The following NCKAP1 variants were observed in gnomAD, a reference collection of about 807,000 sequenced individuals.
NCKAP1 encodes the protein nck-associated protein 1.
Under a neutral mutation model 151.2 loss-of-function variants are expected in NCKAP1, and 21 were observed. That is an observed-to-expected ratio of 0.14 (90% CI 0.10 to 0.20). The LOEUF (loss-of-function observed/expected upper bound fraction) is 0.20. NCKAP1 is among the 10% of genes least tolerant of loss of function. NCKAP1 has a pLI of 1.00. For missense variants in NCKAP1, 933 were observed against 1,352.1 expected (o/e 0.69, Z 4.86); for synonymous variants, 484 against 451.8 (o/e 1.07, Z -0.90).
rs1696491162 is a variant in NCKAP1, at chr2:182,917,788, C to T, written c.*7914G>A. On this transcript the variant is annotated 3_prime_UTR_variant, in exon 31 of 31. Coordinates refer to ENST00000361354, the MANE Select transcript of NCKAP1 (RefSeq NM_013436.5). ...TTAAAACTAAAACAAATATTTTTAA[C>T]ATTCACAAATATGTGACATATTATC... 6.6e-6 allele frequency: 1 copy of T among 152,262 alleles called. No individual in the cohort carries two copies. The highest frequency in any genetic ancestry group is 2.1e-4 in the South Asian group (1 of 4,826). 9.4% of individuals were successfully genotyped at this position (152,262 alleles called of 1,614,324 possible).
Position 182,928,212 on chromosome 2 carries a change from T to C in NCKAP1, c.3085A>G (p.Ile1029Val). The C allele has an allele frequency of 6.2e-7, 1 of 1,611,186 alleles. No individual in the cohort carries two copies. The highest frequency in any genetic ancestry group is 8.5e-7 in the Non-Finnish European group (1 of 1,178,422). ...TTGATGGCTTTGGCCAAGCAATGTA[T>C]GTTGTTGCAATGCCCTGAGAAAATG... ...SPAIEGHCNN[I>V]HCLAKAINQI... The change falls in exon 29 of 31, where the codon ATA becomes GTA. Residue 1029 changes from isoleucine to valine, a missense_variant. By Grantham distance (29) the Ile-to-Val change is conservative. This residue lies in a region of NCKAP1 where 326 missense variants were observed against 557.1 expected (regional missense o/e 0.59). Transcript: ENST00000361354.
At chr2:182,959,788 A>G (rs1288036381) in intron 18 of NCKAP1, among the ~76,000 whole-genome samples, 3 of 152,214 alleles carry the variant, frequency 2.0e-5, no homozygotes, top group African/African-American at 7.2e-5. Flanking sequence ...GGAAAAGAGA[A>G]AGTCAAATTG....
In NCKAP1 at chr2:182,910,958, C is replaced by A. The variant is rs890293680; in HGVS notation, c.*14744G>T. 6.8e-6 allele frequency: 1 copy of A among 147,886 alleles called. No individual in the cohort carries two copies. The highest frequency in any genetic ancestry group is 2.5e-5 in the African/African-American group (1 of 40,374). The allele number at this position is 147,886 out of a possible 1,614,324, so 9.2% of individuals were successfully genotyped here. A position where few individuals can be genotyped will look rare whatever the true frequency, so the allele number is the denominator to read the frequency against. On this transcript the variant is annotated 3_prime_UTR_variant, in exon 31 of 31. Coordinates refer to ENST00000361354, the MANE Select transcript of NCKAP1 (RefSeq NM_013436.5). Reference sequence around the variant, plus strand: ...AAAATAAAATCCTAAGCTCCCCCCCCACATTTGACTAAACAGACCCTCTCC... The same window carrying A: ...AAAATAAAATCCTAAGCTCCCCCCCAACATTTGACTAAACAGACCCTCTCC...
At chr2:182,999,724 C>CAAAG (rs1698342058) in intron 6 of NCKAP1, among the ~76,000 whole-genome samples, 1 of 152,146 alleles carries the variant, frequency 6.6e-6, no homozygotes, top group African/African-American at 2.4e-5. Flanking sequence ...CAGCTCTATT[C>CAAAG]ACAATAGCAA....
At chr2:182,932,011 T>C (rs1445134527) in intron 26 of NCKAP1, among the ~76,000 whole-genome samples, 1 of 152,116 alleles carries the variant, frequency 6.6e-6, no homozygotes, top group South Asian at 2.1e-4. Flanking sequence ...GAAACCCTCA[T>C]ACAATGCTGG....
At position 182,925,730 on chromosome 2, in the gene NCKAP1, T is replaced by C; in HGVS notation, c.3359A>G (p.Tyr1120Cys). ...VLLRNAYHAV[Y>C]KQSVTSSA ...TGCAGAAGATGTAACACTTTGTTTG[T>C]AGACAGCATGGTATGCATTTCTCAG... is the stretch of plus-strand genomic sequence containing the variant. Residue 1120 changes from tyrosine (Y) to cysteine (C), a missense_variant, in exon 31 of 31, where the codon TAC becomes TGC. This residue lies in a region of NCKAP1 where 326 missense variants were observed against 557.1 expected (regional missense o/e 0.59). Transcript: ENST00000361354. 1.3e-6 allele frequency: 2 copies of C among 1,575,442 alleles called. No individual in the cohort carries two copies. The highest frequency in any genetic ancestry group is 1.7e-6 in the Non-Finnish European group (2 of 1,163,214).
At chr2:182,977,842 A>C (rs888708096) in intron 14 of NCKAP1, among the ~76,000 whole-genome samples, 3 of 152,262 alleles carry the variant, frequency 2.0e-5, no homozygotes, top group African/African-American at 7.2e-5. Flanking sequence ...AAAATGGTTA[A>C]GATGGTCAAT....
intron 20 of NCKAP1, among the ~76,000 whole-genome samples, chr2:182,955,273 T>C (rs1037373716): frequency 2.6e-5 from 4 of 152,206 alleles, no homozygotes; most frequent in South Asian, 2.1e-4. Context: ...GTTAAGCATA[T>C]AGTGCAAATA....
Position 182,935,156 on chromosome 2 carries a change from G to A in NCKAP1, c.2778+137C>T, listed in dbSNP as rs571758109. On this transcript the variant is annotated intron_variant, in intron 25 of 30. Transcript: ENST00000361354. ...AGCTTAAATAACTAATTTTATGTAT[G>A]TTATTTTCTGTAACTACTAAAACTG... is the stretch of plus-strand genomic sequence containing the variant. The A allele has an allele frequency of 3.0e-4, 202 of 682,694 alleles. 6 individuals are homozygous for A. The Middle Eastern group carries it at 3.2e-3, about 11-fold the overall frequency. 42.3% of individuals were successfully genotyped at this position (682,694 alleles called of 1,614,324 possible). A position where few individuals can be genotyped will look rare whatever the true frequency, so the allele number is the denominator to read the frequency against.
intron 11 of NCKAP1, 69 bp downstream of exon 11, chr2:182,983,217 T>C (rs1697977088): frequency 1.7e-5 from 22 of 1,274,278 alleles, no homozygotes; most frequent in Non-Finnish European, 2.3e-5. Context: ...TTCAGTAAAA[T>C]TTCACTTAGA....
At position 182,983,312 on chromosome 2, in the gene NCKAP1, C is replaced by A; in HGVS notation, c.1075G>T (p.Asp359Tyr). 6.2e-7 allele frequency: 1 copy of A among 1,611,842 alleles called. No individual in the cohort carries two copies. The highest frequency in any genetic ancestry group is 8.5e-7 in the Non-Finnish European group (1 of 1,178,174). The change falls in exon 11 of 31, where the codon GAT becomes TAT. Residue 359 changes from aspartate to tyrosine, a missense_variant. Physicochemically the swap from Asp to Tyr is radical, Grantham distance 160. Transcript: ENST00000361354. ...TTGGGACCTAGCAATCCAGGTTGAT[C>A]AGAGAGGACAGTAGCCAATTCCTTC... Reference protein sequence around the residue: ...ALKELATVLSDQPGLLGPKAL... With the variant: ...ALKELATVLSYQPGLLGPKAL...
chr2:182,947,927 A>G (rs1214223703), intron 23 of NCKAP1, among the ~76,000 whole-genome samples: 1 of 152,148 alleles, frequency 6.6e-6, no homozygotes, highest in Non-Finnish European at 1.5e-5. Flanking sequence ...GAGGCTGAGA[A>G]AACAAAGTCA....
intron 15 of NCKAP1, among the ~76,000 whole-genome samples, chr2:182,970,278 GA>G (rs1193741979): frequency 4.6e-5 from 7 of 152,136 alleles, no homozygotes; most frequent in African/African-American, 1.7e-4. Context: ...GCATTACCCT[GA>G]TACCAAAACC....
At chr2:182,968,767 A>T (rs1357499675) in intron 15 of NCKAP1, among the ~76,000 whole-genome samples, 1 of 152,198 alleles carries the variant, frequency 6.6e-6, no homozygotes, top group Non-Finnish European at 1.5e-5. Context: ...TCACTGACCC[A>T]GGAGCTCCAT....
chr2:182,949,862 A>C (rs1697180765), intron 23 of NCKAP1, among the ~76,000 whole-genome samples: 1 of 152,240 alleles, frequency 6.6e-6, no homozygotes, highest in African/African-American at 2.4e-5. Context: ...TAAGTGCCTA[A>C]TATGTGTTAG....
chr2:183,016,763 G>A (rs1243766147), intron 2 of NCKAP1, among the ~76,000 whole-genome samples: 1 of 152,078 alleles, frequency 6.6e-6, no homozygotes, highest in Non-Finnish European at 1.5e-5. Flanking sequence ...ATTGTTTTTT[G>A]TTTTGTTCTG....
intron 9 of NCKAP1, among the ~76,000 whole-genome samples, chr2:182,987,034 G>T (rs1032346585): frequency 6.6e-6 from 1 of 152,104 alleles, no homozygotes; most frequent in Non-Finnish European, 1.5e-5. Context: ...TTGAGGGCAG[G>T]AGTTCAAGAC....
At chr2:182,995,897 T>A (rs1698259300) in intron 6 of NCKAP1, 59 bp from the exon 7 acceptor site, 1 of 1,398,750 alleles carries the variant, frequency 7.1e-7, no homozygotes, top group Non-Finnish European at 1.0e-6. Context: ...CTGTTTACAT[T>A]GCAGCTATAA....
At chr2:182,928,921 T>C (rs779937380) in intron 27 of NCKAP1, 22 bp from the exon 28 acceptor site, 1 of 1,450,878 alleles carries the variant, frequency 6.9e-7, no homozygotes, top group South Asian at 1.2e-5. Context: ...AAATTAAGAA[T>C]AAAATCAAGG....
Sources: gnomAD v4.1 joint callset for allele counts (sites outside exome capture counted in the v4.1 genomes callset) on GRCh38, gnomAD v4.1.1 for gene constraint, gnomAD v4.1.1 regional missense constraint, MANE v1.5 for transcripts, NCBI Gene and HGNC (gene_info 2026-07-23, HGNC 2026-07-21) for gene names.